Variants in EML1 observed in about 807,000 individuals in gnomAD.
EML1 encodes the protein EMAP like 1.
In EML1, 27 loss-of-function variants were observed where a neutral mutation model predicts 110.4. The observed-to-expected ratio is 0.24, with a 90% CI of 0.18 to 0.34. The LOEUF is 0.34. EML1 is among the 10% of genes least tolerant of loss of function. The pLI is 1.00. For missense variants in EML1, 741 were observed against 1,030.9 expected (o/e 0.72, Z 3.85); for synonymous variants, 344 against 385.8 (o/e 0.89, Z 1.27).
chr14:99,936,211 G>T lies in EML1; in HGVS notation c.2008-36G>T, dbSNP rs748530856. On this transcript the variant is annotated intron_variant, in intron 18 of 21. Coordinates refer to ENST00000262233, the MANE Select transcript of EML1 (RefSeq NM_004434.3). The surrounding 1 kb of genome is among the most constrained non-coding windows in gnomAD (Gnocchi z 5.5). ...GAACAGTGTTGGCAGGGACTTCTAA[G>T]GCCAATGAAATGAAGACAGTGTTTT... The T allele has an allele frequency of 6.2e-7, 1 of 1,613,044 alleles. No individual in the cohort carries two copies.
chr14:99,851,871 C>T (rs184717227), intron 2 of EML1, among the ~76,000 whole-genome samples: 8 of 152,246 alleles, frequency 5.3e-5, no homozygotes, highest in Non-Finnish European at 8.8e-5. Context: ...TTATCATTAG[C>T]TCTTCCCCTC....
chr14:99,910,293 G>A lies in EML1; in HGVS notation c.1291G>A (p.Asp431Asn). 1 of 1,613,540 alleles carries A rather than the reference G, an allele frequency of 6.2e-7. No homozygotes were observed. The highest frequency in any genetic ancestry group is 2.2e-5 in the East Asian group (1 of 44,800). ...VLCVTFSENG[D>N]TITGDSSGNI... ...CTGTGTGACTTTCTCTGAAAACGGT[G>A]ACACCATTACTGGAGATTCAAGTGG... Residue 431 changes from aspartate to asparagine, a missense_variant, in exon 12 of 22, where the codon GAC (aspartate) becomes AAC (asparagine). Asp to Asn is a conservative substitution (Grantham distance 23, BLOSUM62 1). Around this residue, in one of 4 missense-constraint regions of EML1, gnomAD observed 388 missense variants for 605.6 expected, o/e 0.64. Transcript: ENST00000262233.
intron 1 of EML1, among the ~76,000 whole-genome samples, chr14:99,834,548 C>T (rs1259474624): frequency 1.3e-5 from 2 of 152,100 alleles, no homozygotes; most frequent in Non-Finnish European, 2.9e-5. Context: ...GTTATGCACC[C>T]GTGGCCTCCC....
intron 1 of EML1, among the ~76,000 whole-genome samples, chr14:99,833,442 T>TC (rs1238670363): frequency 6.6e-6 from 1 of 152,216 alleles, no homozygotes; most frequent in African/African-American, 2.4e-5. Context: ...TTGCTCTTTT[T>TC]CAAAGTTGTG....
chr14:99,791,768 C>T (rs1048905409), upstream of EML1, among the ~76,000 whole-genome samples: 4 of 152,186 alleles, frequency 2.6e-5, no homozygotes, highest in African/African-American at 9.7e-5. Context: ...GGCCTGCCTG[C>T]GTGAACCCTC....
chr14:99,744,525 T>C (rs1044831439), intron 1 of EML1, among the ~76,000 whole-genome samples: 1 of 152,174 alleles, frequency 6.6e-6, no homozygotes, highest in Non-Finnish European at 1.5e-5. Context: ...TTTCATTGAG[T>C]TTTTTTCCCC....
At chr14:99,738,161 C>T (rs943052961) in intron 1 of EML1, among the ~76,000 whole-genome samples, 2 of 152,200 alleles carry the variant, frequency 1.3e-5, no homozygotes, top group Admixed American at 6.5e-5. Context: ...GCAGGGGCTG[C>T]GACGGGACCC....
At chr14:99,822,194 A>T (rs2058275350) in intron 1 of EML1, among the ~76,000 whole-genome samples, 1 of 151,028 alleles carries the variant, frequency 6.6e-6, no homozygotes, top group Non-Finnish European at 1.5e-5. Flanking sequence ...GTATCCTAGG[A>T]CATATGTTTT....
At position 99,940,295 on chromosome 14, in the gene EML1, T is replaced by C; in HGVS notation, c.*183T>C. 1.3e-6 allele frequency: 1 copy of C among 753,564 alleles called. No homozygotes were observed. Among genetic ancestry groups the C allele is most frequent in the Non-Finnish European group, 1.9e-6 (1 of 522,474 alleles). The allele number at this position is 753,564 out of a possible 1,614,324, so 46.7% of individuals were successfully genotyped here. ...CCACAGCGGATCAGCGGTTCCGTGT[T>C]CACTTTTGTTGTACAATATATGACA... On this transcript the variant is annotated 3_prime_UTR_variant, in exon 22 of 22. Coordinates refer to ENST00000262233, the MANE Select transcript of EML1 (RefSeq NM_004434.3).
chr14:99,757,071 G>A (rs1319786391), intron 1 of EML1, among the ~76,000 whole-genome samples: 2 of 152,232 alleles, frequency 1.3e-5, no homozygotes, highest in African/African-American at 2.4e-5. Flanking sequence ...TGGGCATGGC[G>A]GCTCACGCCT....
intron 1 of EML1, among the ~76,000 whole-genome samples, chr14:99,832,319 C>G (rs533667435): frequency 3.6e-4 from 55 of 152,224 alleles, no homozygotes; most frequent in African/African-American, 1.3e-3. Context: ...TAGTTTTTGG[C>G]TATTACAAAT....
chr14:99,778,641 T>C (rs1348965239), intron 1 of EML1, among the ~76,000 whole-genome samples: 1 of 152,238 alleles, frequency 6.6e-6, no homozygotes, highest in Admixed American at 6.5e-5. Flanking sequence ...CATCCTGCAG[T>C]AGCTTCCTGA....
chr14:99,907,902 A>G (rs531560361), intron 10 of EML1, among the ~76,000 whole-genome samples, 169 bp downstream of exon 10: 1 of 152,264 alleles, frequency 6.6e-6, no homozygotes, highest in East Asian at 1.9e-4. Flanking sequence ...TGGGACTTTG[A>G]CCCCAGGTCC....
intron 1 of EML1, among the ~76,000 whole-genome samples, chr14:99,824,144 G>A (rs546921772): frequency 2.0e-5 from 3 of 152,196 alleles, no homozygotes; most frequent in African/African-American, 4.8e-5. Context: ...TTTTTTAGTA[G>A]AGATGGGGTT....
intron 1 of EML1, among the ~76,000 whole-genome samples, chr14:99,751,954 G>A (rs555107482): frequency 1.3e-5 from 2 of 152,278 alleles, no homozygotes; most frequent in South Asian, 4.1e-4. Context: ...CGGGCACGTG[G>A]CAGCAGGAGG....
chr14:99,935,565 C>T (rs1298399013), intron 17 of EML1, among the ~76,000 whole-genome samples: 1 of 152,092 alleles, frequency 6.6e-6, no homozygotes, highest in Non-Finnish European at 1.5e-5. Flanking sequence ...GGGCGGATCA[C>T]GAGGTCACGA....
intron 1 of EML1, chr14:99,839,140 T>C (rs140485852): frequency 6.6e-6 from 1 of 152,256 alleles, no homozygotes; most frequent in East Asian, 1.9e-4. Context: ...CAGATGATTG[T>C]TCTTATTTTT....
intron 8 of EML1, among the ~76,000 whole-genome samples, chr14:99,898,571 A>G (rs1359030738): frequency 6.6e-6 from 1 of 152,114 alleles, no homozygotes; most frequent in East Asian, 1.9e-4. Flanking sequence ...TAGCCAACAT[A>G]GTGAAACCCG....
At chr14:99,847,486 A>G (rs1283519598) in intron 1 of EML1, among the ~76,000 whole-genome samples, 4 of 152,174 alleles carry the variant, frequency 2.6e-5, no homozygotes, top group Non-Finnish European at 5.9e-5. Flanking sequence ...AGTAGCTAGG[A>G]CTACAGGCAT....
Sources: allele counts gnomAD v4.1 joint callset (sites outside exome capture counted in the v4.1 genomes callset), GRCh38; gene constraint gnomAD v4.1.1; regional missense constraint gnomAD v4.1.1; non-coding constraint Gnocchi (gnomAD v3.1); transcripts MANE v1.5; gene names NCBI Gene and HGNC (gene_info 2026-07-23, HGNC 2026-07-21).